The following QTMAN variants were observed in gnomAD, a reference collection of about 807,000 sequenced individuals.
QTMAN encodes the protein queuosine-tRNA mannosyltransferase.
chr2:144,184,828 A>G, the QTMAN span, among the ~76,000 whole-genome samples: 2 of 152,178 alleles, frequency 1.3e-5, no homozygotes, highest in Non-Finnish European at 2.9e-5. Flanking sequence ...ATATACCTAT[A>G]TAGTTAGAAG....
the QTMAN span, among the ~76,000 whole-genome samples, chr2:144,083,362 G>A: frequency 6.6e-6 from 1 of 152,156 alleles, no homozygotes; most frequent in African/African-American, 2.4e-5. Flanking sequence ...TGTAAGAAGA[G>A]CCTCTGGGAC....
the QTMAN span, among the ~76,000 whole-genome samples, chr2:144,298,907 C>A: frequency 6.6e-6 from 1 of 152,194 alleles, no homozygotes; most frequent in Non-Finnish European, 1.5e-5. Flanking sequence ...TCTCTCTCTG[C>A]TAAAAGCTCT....
At chr2:144,002,509 T>C in the QTMAN span, among the ~76,000 whole-genome samples, 3 of 151,994 alleles carry the variant, frequency 2.0e-5, no homozygotes, top group East Asian at 3.9e-4. Context: ...AAGGGAACAT[T>C]AGAATTTTGA....
the QTMAN span, among the ~76,000 whole-genome samples, chr2:144,301,563 C>T: frequency 6.6e-6 from 1 of 152,166 alleles, no homozygotes; most frequent in East Asian, 1.9e-4. Context: ...AATTTCCATG[C>T]TGGTATTTAT....
the QTMAN span, among the ~76,000 whole-genome samples, chr2:144,185,818 G>C: frequency 2.6e-5 from 4 of 152,274 alleles, no homozygotes; most frequent in South Asian, 8.3e-4. Flanking sequence ...GAGAAAAGAA[G>C]TTAGATTATT....
chr2:144,184,087 G>T, the QTMAN span, among the ~76,000 whole-genome samples: 2 of 152,184 alleles, frequency 1.3e-5, no homozygotes, highest in South Asian at 4.1e-4. Flanking sequence ...GAGTATGTGT[G>T]AGCTTCAAAG....
the QTMAN span, among the ~76,000 whole-genome samples, chr2:144,312,232 A>G: frequency 2.8e-5 from 4 of 141,790 alleles, no homozygotes; most frequent in African/African-American, 1.1e-4. Context: ...TATGTTGCCC[A>G]GGCTGGCCAT....
chr2:144,173,703 T>C, the QTMAN span, among the ~76,000 whole-genome samples: 2,377 of 152,294 alleles, frequency 0.016, 84 homozygotes, highest in African/African-American at 0.053. Flanking sequence ...ATATGGTTTA[T>C]TTGACTCCAC....
the QTMAN span, among the ~76,000 whole-genome samples, chr2:144,221,791 C>T: frequency 4.6e-5 from 7 of 152,116 alleles, no homozygotes; most frequent in African/African-American, 1.7e-4. Flanking sequence ...AAAAACTAAT[C>T]GACAAGGGTT....
At chr2:144,222,101 C>T in the QTMAN span, among the ~76,000 whole-genome samples, 2 of 151,862 alleles carry the variant, frequency 1.3e-5, no homozygotes, top group Non-Finnish European at 2.9e-5. Flanking sequence ...GCTCTGTCAC[C>T]CAGGCTGGAG....
chr2:144,047,323 T>C, the QTMAN span, among the ~76,000 whole-genome samples: 1 of 152,118 alleles, frequency 6.6e-6, no homozygotes, highest in Admixed American at 6.6e-5. Flanking sequence ...AAGCTATCCA[T>C]CTATTTGTCC....
At chr2:144,233,582 G>A in the QTMAN span, among the ~76,000 whole-genome samples, 2 of 152,180 alleles carry the variant, frequency 1.3e-5, no homozygotes, top group Non-Finnish European at 2.9e-5. Flanking sequence ...CATTTTGGCT[G>A]CAAGCCTATA....
chr2:144,067,492 C>A, the QTMAN span, among the ~76,000 whole-genome samples: 2 of 152,188 alleles, frequency 1.3e-5, no homozygotes. Context: ...CCACTCACTG[C>A]ACACTTAGGG....
At chr2:144,230,057 TATC>T in the QTMAN span, among the ~76,000 whole-genome samples, 1 of 152,324 alleles carries the variant, frequency 6.6e-6, no homozygotes, top group East Asian at 1.9e-4. Context: ...TTGTTTATAA[TATC>T]ATCTCAACTT....
the QTMAN span, among the ~76,000 whole-genome samples, chr2:144,042,323 C>G: frequency 1.3e-5 from 2 of 151,970 alleles, no homozygotes. Context: ...ATTCCATTGT[C>G]AATTAAGAGA....
the QTMAN span, among the ~76,000 whole-genome samples, chr2:144,119,977 A>C: frequency 6.6e-6 from 1 of 152,248 alleles, no homozygotes; most frequent in African/African-American, 2.4e-5. Flanking sequence ...AAAGGCAGTA[A>C]TGTGACAAAG....
At chr2:143,987,941 C>T in the QTMAN span, among the ~76,000 whole-genome samples, 56 of 152,084 alleles carry the variant, frequency 3.7e-4, no homozygotes, top group African/African-American at 1.3e-3. Flanking sequence ...GAGAGGTTAT[C>T]GATACTCTTG....
the QTMAN span, among the ~76,000 whole-genome samples, chr2:144,102,673 A>T: frequency 1.3e-5 from 2 of 152,202 alleles, no homozygotes; most frequent in Non-Finnish European, 2.9e-5. Context: ...CTGCTTAAGA[A>T]TACACTCTGA....
the QTMAN span, among the ~76,000 whole-genome samples, chr2:144,192,836 A>G: frequency 6.6e-6 from 1 of 152,250 alleles, no homozygotes; most frequent in Admixed American, 6.5e-5. Context: ...TATGTTTACT[A>G]AAGCCGGTAT....
Sources: gnomAD v4.1 joint callset for allele counts (sites outside exome capture counted in the v4.1 genomes callset) on GRCh38, gnomAD v4.1.1 for gene constraint, MANE v1.5 for transcripts, NCBI Gene and HGNC (gene_info 2026-07-23, HGNC 2026-07-21) for gene names.